Variants in KCNK10 observed in about 807,000 individuals in gnomAD.
KCNK10 encodes potassium two pore domain channel subfamily K member 10.
A neutral mutation model predicts 47.7 loss-of-function variants in KCNK10; 25 were observed. That is an observed-to-expected ratio of 0.52 (90% CI 0.38 to 0.73). The LOEUF (loss-of-function observed/expected upper bound fraction) is 0.73, where lower values mean the gene tolerates loss of function less well. Among genes scored for constraint, KCNK10 ranks in the 30% least tolerant of loss-of-function variants. The pLI is 0.00. For missense variants in KCNK10, 563 were observed against 714.5 expected, an observed-to-expected ratio of 0.79 and a Z score of 2.42; for synonymous variants, 303 against 285.6, an observed-to-expected ratio of 1.06 and a Z score of -0.61.
At chr14:88,215,352 G>A (rs938344359) in intron 4 of KCNK10, among the ~76,000 whole-genome samples, 2 of 152,148 alleles carry the variant, frequency 1.3e-5, no homozygotes, top group Non-Finnish European at 2.9e-5. Context: ...GAGAGAGAAC[G>A]AGTGTCAAGC....
chr14:88,321,425 A>C (rs978911906), intron 1 of KCNK10, among the ~76,000 whole-genome samples: 1 of 152,066 alleles, frequency 6.6e-6, no homozygotes, highest in Non-Finnish European at 1.5e-5. Flanking sequence ...TGTCTCCCTC[A>C]CTGTAAACTC....
At chr14:88,213,920 C>G (rs1360009223) in intron 4 of KCNK10, among the ~76,000 whole-genome samples, 2 of 89,866 alleles carry the variant, frequency 2.2e-5, no homozygotes, top group Non-Finnish European at 4.5e-5. Context: ...TTTTATTTTA[C>G]TTTATTATTA....
chr14:88,234,754 A>C (rs781228499), intron 3 of KCNK10, among the ~76,000 whole-genome samples: 1 of 152,210 alleles, frequency 6.6e-6, no homozygotes, highest in Non-Finnish European at 1.5e-5. Flanking sequence ...TTTTTGTTGC[A>C]GTGCTACTTC....
intron 1 of KCNK10, among the ~76,000 whole-genome samples, chr14:88,279,282 C>A (rs1887594669): frequency 6.6e-6 from 1 of 151,906 alleles, no homozygotes; most frequent in African/African-American, 2.4e-5. Context: ...TTCTTATTGA[C>A]CCTTGTGGCT....
chr14:88,309,576 C>T (rs930093804), intron 1 of KCNK10, among the ~76,000 whole-genome samples: 1 of 151,986 alleles, frequency 6.6e-6, no homozygotes, highest in Non-Finnish European at 1.5e-5. Flanking sequence ...CACTCCAGCT[C>T]GGGCGACAAA....
chr14:88,306,853 T>C (rs975634977), intron 1 of KCNK10, among the ~76,000 whole-genome samples: 4 of 152,212 alleles, frequency 2.6e-5, no homozygotes, highest in Non-Finnish European at 5.9e-5. Context: ...TTCATTTCTG[T>C]AACTTTCCAA....
intron 4 of KCNK10, among the ~76,000 whole-genome samples, chr14:88,214,916 T>A (rs1057475511): frequency 1.3e-5 from 2 of 152,178 alleles, no homozygotes. Flanking sequence ...TATGCCTACA[T>A]TGCAAGAGAA....
chr14:88,261,589 C>CA (rs963223259), intron 2 of KCNK10, among the ~76,000 whole-genome samples: 15 of 152,032 alleles, frequency 9.9e-5, no homozygotes, highest in East Asian at 3.9e-4. Context: ...CCTGTCTCTA[C>CA]AAAAAAATGC....
At position 88,214,100 on chromosome 14, in the gene KCNK10, T is replaced by C. The variant is rs180961075; in HGVS notation, c.681+13275A>G. Among the ~76,000 whole-genome samples, 793 of 151,904 alleles carry C rather than the reference T, an allele frequency of 5.2e-3. 5 individuals are homozygous for C. Among genetic ancestry groups the C allele is most frequent in the African/African-American group, 0.018 (760 of 41,434 alleles). On this transcript the variant is annotated intron_variant, in intron 4 of 6. Coordinates refer to ENST00000319231, the MANE Select transcript of KCNK10 (RefSeq NM_138317.3). ...GATTACAGGCATGCACCACCACACC[T>C]GGCTAATTTTGTATTTTTAGTAGAG...
chr14:88,235,640 A>G (rs1049183601), intron 3 of KCNK10, among the ~76,000 whole-genome samples: 23 of 152,194 alleles, frequency 1.5e-4, no homozygotes, highest in African/African-American at 5.5e-4. Context: ...TGTGGAAAAC[A>G]TACAAACTAA....
At chr14:88,256,280 G>A (rs1886953312) in intron 2 of KCNK10, among the ~76,000 whole-genome samples, 1 of 152,084 alleles carries the variant, frequency 6.6e-6, no homozygotes, top group Non-Finnish European at 1.5e-5. Flanking sequence ...CAGGCATTGG[G>A]GATATAAGCC....
At chr14:88,236,961 A>C (rs1886318861) in intron 3 of KCNK10, among the ~76,000 whole-genome samples, 1 of 152,218 alleles carries the variant, frequency 6.6e-6, no homozygotes, top group African/African-American at 2.4e-5. Flanking sequence ...TAAGACAACA[A>C]AGAAGTTGGC....
At chr14:88,209,452 C>T (rs2139848527) in intron 4 of KCNK10, among the ~76,000 whole-genome samples, 1 of 152,360 alleles carries the variant, frequency 6.6e-6, no homozygotes, top group Non-Finnish European at 1.5e-5. Context: ...CTCCTTCACG[C>T]AGACCGAATG....
intron 2 of KCNK10, among the ~76,000 whole-genome samples, chr14:88,258,389 CA>C (rs1309024995): frequency 2.6e-5 from 4 of 151,248 alleles, no homozygotes; most frequent in African/African-American, 7.3e-5. Flanking sequence ...CTCCCAGGTT[CA>C]AGCAACTCTC....
At chr14:88,212,109 A>AATATATATATATATATATATATATATAT (rs34318518) in intron 4 of KCNK10, among the ~76,000 whole-genome samples, 106 of 133,244 alleles carry the variant, frequency 8.0e-4, no homozygotes, top group Non-Finnish European at 1.1e-3. Flanking sequence ...TGATAGTGAG[A>AATATATATATATATATATATATATATAT]ATATATATAT....
chr14:88,279,058 C>T (rs1468210627), intron 1 of KCNK10, among the ~76,000 whole-genome samples: 3 of 152,132 alleles, frequency 2.0e-5, no homozygotes, highest in African/African-American at 7.2e-5. Context: ...TCCCATGAGG[C>T]CCATTTCATG....
chr14:88,217,496 C>T (rs17094616), intron 4 of KCNK10, among the ~76,000 whole-genome samples: 2,201 of 152,132 alleles, frequency 0.014, 90 homozygotes, highest in Admixed American at 0.1. Context: ...AAAATAATAC[C>T]CAGTTTCCAA....
chr14:88,292,016 T>C (rs1021933357), intron 1 of KCNK10, among the ~76,000 whole-genome samples: 4 of 152,154 alleles, frequency 2.6e-5, no homozygotes, highest in Non-Finnish European at 5.9e-5. Flanking sequence ...AGGGAGGGCA[T>C]CATCCATGTC....
chr14:88,270,368 T>C (rs138894797), intron 1 of KCNK10, among the ~76,000 whole-genome samples: 5 of 150,918 alleles, frequency 3.3e-5, no homozygotes, highest in African/African-American at 1.2e-4. Flanking sequence ...TGGTTCCAGA[T>C]ACCCAAACAA....
Sources: gnomAD v4.1 joint callset for allele counts (sites outside exome capture counted in the v4.1 genomes callset) on GRCh38, gnomAD v4.1.1 for gene constraint, MANE v1.5 for transcripts, NCBI Gene and HGNC (gene_info 2026-07-23, HGNC 2026-07-21) for gene names.